CFTR: variants seen among roughly 807,000 people sequenced by gnomAD.
The protein encoded by CFTR is CF transmembrane conductance regulator.
CFTR carries 181 observed loss-of-function variants against 171.6 expected under a neutral mutation model. The observed-to-expected ratio is 1.05, with a 90% confidence interval of 0.93 to 1.19. The LOEUF (loss-of-function observed/expected upper bound fraction) is 1.19. Ranked by LOEUF, CFTR falls within the 50% of genes most tolerant of loss-of-function variation. The pLI, the probability that CFTR is intolerant of heterozygous loss-of-function variation, is 0.00. For missense variants in CFTR, 1,968 were observed against 1,734.7 expected (o/e 1.13, Z -2.39); for synonymous variants, 583 against 608.0 (o/e 0.96, Z 0.60).
intron 10 of CFTR, among the ~76,000 whole-genome samples, chr7:117,551,086 A>G (rs1328272540): frequency 2.6e-5 from 4 of 152,226 alleles, no homozygotes; most frequent in Non-Finnish European, 5.9e-5. Flanking sequence ...TCTATAACTT[A>G]CCCAAATATG....
rs1798859291 is a variant in CFTR at position 117,531,134 on chromosome 7, G to A, written c.489+20G>A. The stretch of plus-strand genomic sequence containing the variant: ...AAGAAGGTAATACTTCCTTGCACAG[G>A]CCCCATGGCACATATATTCTGTATC... On this transcript the variant is annotated intron_variant, in intron 4 of 26. Transcript: ENST00000003084. The A allele has an allele frequency of 6.5e-7, 1 of 1,546,750 alleles. No homozygotes were observed. Among genetic ancestry groups the A allele is most frequent in the Non-Finnish European group, 8.9e-7 (1 of 1,122,342 alleles).
Position 117,484,334 on chromosome 7 carries a change from G to A in CFTR, c.53+4187G>A, listed in dbSNP as rs74853429. Among the ~76,000 whole-genome samples the A allele has an allele frequency of 1.5e-3, 232 of 152,302 alleles. 1 individual carries two copies. The highest frequency in any genetic ancestry group is 5.4e-3 in the African/African-American group (225 of 41,566). ...TGATATACAACTGCCAAGCATTCCC[G>A]ATTACCATGACTCCATTTAGTCAGT... On this transcript the variant is annotated intron_variant, in intron 1 of 26. Coordinates refer to ENST00000003084, the MANE Select transcript of CFTR (RefSeq NM_000492.4).
At chr7:117,648,434 G>A (rs955155709) in intron 23 of CFTR, among the ~76,000 whole-genome samples, 2 of 152,066 alleles carry the variant, frequency 1.3e-5, no homozygotes, top group Non-Finnish European at 2.9e-5. Context: ...TAGCAAAAAG[G>A]TTTGTCACCG....
At chr7:117,571,942 T>C (rs907628494) in intron 11 of CFTR, among the ~76,000 whole-genome samples, 15 of 152,160 alleles carry the variant, frequency 9.9e-5, no homozygotes, top group African/African-American at 3.1e-4. Context: ...GAATTTGAGT[T>C]TTCTGCTATA....
intron 24 of CFTR, among the ~76,000 whole-genome samples, chr7:117,660,386 C>G (rs900216479): frequency 1.3e-5 from 2 of 152,032 alleles, no homozygotes; most frequent in African/African-American, 4.8e-5. Flanking sequence ...AATCCTAGCA[C>G]TTTGGGAGGC....
At chr7:117,552,906 G>A (rs939976210) in intron 10 of CFTR, among the ~76,000 whole-genome samples, 14 of 152,098 alleles carry the variant, frequency 9.2e-5, no homozygotes, top group African/African-American at 3.4e-4. Context: ...TAATTCCCAA[G>A]GTGATGGTAT....
intron 12 of CFTR, 58 bp downstream of exon 12, chr7:117,587,891 A>G: frequency 1.9e-6 from 2 of 1,066,808 alleles, no homozygotes; most frequent in Non-Finnish European, 2.9e-6. Flanking sequence ...TCATGTAAAA[A>G]AATTACAGAC....
chr7:117,633,039 A>G (rs1421026228), intron 22 of CFTR, among the ~76,000 whole-genome samples: 1 of 152,176 alleles, frequency 6.6e-6, no homozygotes, highest in African/African-American at 2.4e-5. Context: ...CAGTTTGCCA[A>G]TGTATGCAAA....
intron 7 of CFTR, among the ~76,000 whole-genome samples, chr7:117,539,896 A>G (rs1344226192): frequency 6.6e-6 from 1 of 151,988 alleles, no homozygotes; most frequent in Non-Finnish European, 1.5e-5. Context: ...TGGTACTTTC[A>G]TTGTTATCTT....
At chr7:117,493,658 T>G (rs954499323) in intron 1 of CFTR, among the ~76,000 whole-genome samples, 2 of 152,216 alleles carry the variant, frequency 1.3e-5, no homozygotes, top group South Asian at 2.1e-4. Flanking sequence ...AACTTAAATC[T>G]TGAGTCATAC....
At chr7:117,495,698 T>C (rs905499126) in intron 1 of CFTR, among the ~76,000 whole-genome samples, 2 of 152,194 alleles carry the variant, frequency 1.3e-5, no homozygotes, top group African/African-American at 4.8e-5. Context: ...AATCACTTGC[T>C]GTAGCCACCC....
chr7:117,651,524 C>T (rs1303280926), intron 23 of CFTR, among the ~76,000 whole-genome samples: 2 of 152,154 alleles, frequency 1.3e-5, no homozygotes, highest in Non-Finnish European at 2.9e-5. Flanking sequence ...AGTGGATACA[C>T]AAACATATCC....
intron 1 of CFTR, among the ~76,000 whole-genome samples, chr7:117,492,879 T>C (rs1798183358): frequency 6.6e-6 from 1 of 152,102 alleles, no homozygotes; most frequent in South Asian, 2.1e-4. Context: ...ATTTGAGGTT[T>C]CTTGGAAATA....
chr7:117,485,041 G>A (rs1010917152), intron 1 of CFTR, among the ~76,000 whole-genome samples: 2 of 152,092 alleles, frequency 1.3e-5, no homozygotes, highest in African/African-American at 2.4e-5. Flanking sequence ...TTCCATTTAT[G>A]TGTTATGGGA....
chr7:117,659,881 T>A (rs763469032), intron 24 of CFTR, among the ~76,000 whole-genome samples: 3 of 152,186 alleles, frequency 2.0e-5, no homozygotes, highest in Non-Finnish European at 4.4e-5. Flanking sequence ...TAACTGCCAC[T>A]TATGGATTAT....
At chr7:117,620,611 A>G (rs1407563986) in intron 21 of CFTR, among the ~76,000 whole-genome samples, 1 of 152,218 alleles carries the variant, frequency 6.6e-6, no homozygotes, top group African/African-American at 2.4e-5. Flanking sequence ...TTGAATTAGT[A>G]GAAGAGGTTT....
intron 17 of CFTR, 135 bp downstream of exon 17, chr7:117,603,917 A>G (rs570290764): frequency 8.4e-5 from 74 of 886,028 alleles, no homozygotes; most frequent in Admixed American, 4.2e-4. Flanking sequence ...TTTGACTGGC[A>G]TGCACATGTC....
intron 11 of CFTR, chr7:117,560,929 C>T (rs777217894): frequency 6.6e-6 from 1 of 151,840 alleles, no homozygotes; most frequent in Admixed American, 6.6e-5. Flanking sequence ...TATTTACTTA[C>T]GAGTGGAAAA....
Position 117,665,528 on chromosome 7 carries a change from C to A in CFTR, c.4206C>A (p.His1402Gln). 1 of 1,613,144 alleles carries A rather than the reference C, an allele frequency of 6.2e-7. No homozygotes were observed. The highest frequency in any genetic ancestry group is 8.5e-7 in the Non-Finnish European group (1 of 1,179,274). ...FADCTVILCEHRIEAMLECQQ... is the reference protein window; with the variant it reads ...FADCTVILCEQRIEAMLECQQ... ...ATTGCACAGTAATTCTCTGTGAACACAGGATAGAAGCAATGCTGGAATGCC... is the reference window on the plus strand; with the variant it reads ...ATTGCACAGTAATTCTCTGTGAACAAAGGATAGAAGCAATGCTGGAATGCC... Residue 1402 changes from histidine to glutamine, a missense_variant, in exon 26 of 27, where the codon CAC (histidine) becomes CAA (glutamine). His to Gln is a conservative substitution (Grantham distance 24). Transcript: ENST00000003084.
Sources: allele counts gnomAD v4.1 joint callset (sites outside exome capture counted in the v4.1 genomes callset), GRCh38; gene constraint gnomAD v4.1.1; transcripts MANE v1.5; gene names NCBI Gene and HGNC (gene_info 2026-07-23, HGNC 2026-07-21).